RGS20: variants seen among roughly 807,000 people sequenced by gnomAD.
RGS20 encodes gz-selective GTPase-activating protein.
RGS20 carries 30 observed loss-of-function variants against 33.6 expected under a neutral mutation model. The ratio of observed to expected loss-of-function variants is 0.89; its 90% CI spans 0.67 to 1.21. The LOEUF (loss-of-function observed/expected upper bound fraction) is 1.21. Among genes scored for constraint, RGS20 ranks in the 50% most tolerant of loss-of-function variants. The probability of loss-of-function intolerance (pLI) is 0.00; values close to 1 mark genes in which losing one functional copy is unlikely to be tolerated. For synonymous variants in RGS20, 208 were observed against 197.9 expected, an observed-to-expected ratio of 1.05 and a Z score of -0.43; for missense variants, 472 against 502.4, an observed-to-expected ratio of 0.94 and a Z score of 0.58.
At chr8:53,930,542 GTTTTGTT>G (rs936325276) in intron 2 of RGS20, among the ~76,000 whole-genome samples, 65 of 152,188 alleles carry the variant, frequency 4.3e-4, no homozygotes, top group Middle Eastern at 3.4e-3. Context: ...TTAGGATATG[GTTTTGTT>G]TTTTGTTTTT....
rs538977523 is a variant in RGS20 at position 53,936,603 on chromosome 8, C to T, written c.511-2973C>T. Among the ~76,000 whole-genome samples, 8 of 152,134 alleles carry T rather than the reference C, an allele frequency of 5.3e-5. No homozygotes were observed. The South Asian group carries it at 1.7e-3, about 32-fold the overall frequency. ...CACTGCTCAAGGAAATAAGGGAGGA[C>T]ACAAACAAATGGAAAAACATTCCAT... On this transcript the variant is annotated intron_variant, in intron 2 of 5. Transcript: ENST00000297313.
intron 2 of RGS20, among the ~76,000 whole-genome samples, chr8:53,884,703 C>T (rs1003398184): frequency 2.0e-5 from 3 of 152,122 alleles, no homozygotes; most frequent in Admixed American, 6.5e-5. Context: ...CTGTTTACTA[C>T]GGATTAATGA....
intron 2 of RGS20, among the ~76,000 whole-genome samples, chr8:53,897,613 C>T (rs1411264254): frequency 6.6e-6 from 1 of 152,162 alleles, no homozygotes; most frequent in Non-Finnish European, 1.5e-5. Flanking sequence ...ATAGTACATT[C>T]TTTCTTATTA....
chr8:53,949,790 T>C (rs543181454), intron 4 of RGS20, among the ~76,000 whole-genome samples: 15 of 151,518 alleles, frequency 9.9e-5, no homozygotes, highest in Admixed American at 2.0e-4. Context: ...TTTAATGGTA[T>C]ATAAGTAAAG....
intron 2 of RGS20, among the ~76,000 whole-genome samples, chr8:53,907,058 G>A (rs915067975): frequency 5.9e-5 from 9 of 152,138 alleles, no homozygotes; most frequent in African/African-American, 2.2e-4. Context: ...CAATGTGAAA[G>A]CAGAAAGAAA....
chr8:53,909,203 A>ATGTGTGTGTATG (rs201686606), intron 2 of RGS20, among the ~76,000 whole-genome samples: 22 of 57,326 alleles, frequency 3.8e-4, no homozygotes, highest in African/African-American at 1.9e-3. Context: ...CCATTATGGT[A>ATGTGTGTGTATG]TGTGTGTATA....
chr8:53,894,129 C>T (rs938606629), intron 2 of RGS20, among the ~76,000 whole-genome samples: 3 of 152,080 alleles, frequency 2.0e-5, no homozygotes, highest in African/African-American at 7.2e-5. Flanking sequence ...TTACCCAATA[C>T]GTTAGTATGG....
At chr8:53,941,045 TC>T (rs1695250443) in intron 3 of RGS20, among the ~76,000 whole-genome samples, 2 of 152,078 alleles carry the variant, frequency 1.3e-5, no homozygotes, top group Non-Finnish European at 1.5e-5. Flanking sequence ...AACCTTCCGC[TC>T]CCTCCTTTCT....
intron 2 of RGS20, among the ~76,000 whole-genome samples, chr8:53,882,769 C>A (rs1812430120): frequency 6.6e-6 from 1 of 152,134 alleles, no homozygotes; most frequent in Non-Finnish European, 1.5e-5. Context: ...GCCAGCAGGA[C>A]CCTCGCCCAC....
At chr8:53,939,443 G>A (rs1248146956) in intron 2 of RGS20, 133 bp from the exon 2 acceptor site, 6 of 945,958 alleles carry the variant, frequency 6.3e-6, no homozygotes, top group Admixed American at 3.9e-5. Context: ...TAAATTTTAC[G>A]AGAAGTAGCA....
At chr8:53,900,199 T>C (rs897665182) in intron 2 of RGS20, among the ~76,000 whole-genome samples, 1 of 152,156 alleles carries the variant, frequency 6.6e-6, no homozygotes, top group African/African-American at 2.4e-5. Flanking sequence ...TAGAATGCAG[T>C]GGTGCAATCA....
chr8:53,954,085 T>C lies in RGS20; in HGVS notation c.753T>C (p.Pro251=). ...TTTGGTCTCCACGAAGCCCTGCTCC[T>C]ACTCTGGAAGAAGTCAACGCCTGGG... The change falls in exon 5 of 6, where the codon CCT becomes CCC. Residue 251 remains proline (P), a synonymous_variant. Coordinates refer to ENST00000297313, the MANE Select transcript of RGS20 (RefSeq NM_170587.4). The C allele has an allele frequency of 6.2e-7, 1 of 1,613,740 alleles. No homozygotes were observed. Among genetic ancestry groups the C allele is most frequent in the Non-Finnish European group, 8.5e-7 (1 of 1,179,686 alleles).
chr8:53,882,675 T>A (rs1251310710), intron 2 of RGS20, among the ~76,000 whole-genome samples: 2 of 148,926 alleles, frequency 1.3e-5, no homozygotes, highest in African/African-American at 5.0e-5. Context: ...CAAAAGCCTA[T>A]CGCTCTTTGT....
At chr8:53,953,719 C>T (rs761542066) in intron 4 of RGS20, among the ~76,000 whole-genome samples, 1 of 152,112 alleles carries the variant, frequency 6.6e-6, no homozygotes, top group Non-Finnish European at 1.5e-5. Context: ...CAGAACTCAT[C>T]ACAGATGATT....
intron 2 of RGS20, among the ~76,000 whole-genome samples, chr8:53,887,424 G>T (rs1368864241): frequency 6.6e-6 from 1 of 152,100 alleles, no homozygotes; most frequent in Non-Finnish European, 1.5e-5. Context: ...TGTATCCAAG[G>T]GTTCAACCTC....
Position 53,958,526 on chromosome 8 carries a change from A to G in RGS20, c.*68A>G. 1 of 858,244 alleles carries G rather than the reference A, an allele frequency of 1.2e-6. No individual in the cohort carries two copies. The highest frequency in any genetic ancestry group is 1.6e-6 in the Non-Finnish European group (1 of 625,286). The allele number at this position is 858,244 out of a possible 1,614,324, so 53.2% of individuals were successfully genotyped here. A position where few individuals can be genotyped will look rare whatever the true frequency, so the allele number is the denominator to read the frequency against. On this transcript the variant is annotated 3_prime_UTR_variant, in exon 6 of 6. Coordinates refer to ENST00000297313, the MANE Select transcript of RGS20 (RefSeq NM_170587.4). ...TTCATGGGCTACAACTAGCACAGGG[A>G]ATTTAGAGGTTGTAGCATCTTCTGC...
In RGS20 at chr8:53,889,409, TCTC is replaced by T. The variant is rs1296766095; in HGVS notation, c.510+9808_510+9810del. On this transcript the variant is annotated intron_variant, in intron 2 of 5. Transcript: ENST00000297313. ...TTTTCTTTCTTTCTTTCTCTCTCTC[TCTC>T]TTTTTTTTTTTTTTTTTTTTTTTTT... is the stretch of plus-strand genomic sequence containing the variant. Among the ~76,000 whole-genome samples, 256 of 108,806 alleles carry T rather than the reference TCTC, an allele frequency of 2.4e-3. 3 individuals are homozygous for T. Among genetic ancestry groups the T allele is most frequent in the African/African-American group, 0.01 (227 of 22,460 alleles). 71.4% of individuals were successfully genotyped at this position (108,806 alleles called of 152,430 possible).
At chr8:53,862,464 A>C (rs541699676) in intron 1 of RGS20, among the ~76,000 whole-genome samples, 2 of 152,242 alleles carry the variant, frequency 1.3e-5, no homozygotes, top group Non-Finnish European at 2.9e-5. Context: ...TCTACTTCTG[A>C]TCACAGAGAA....
At chr8:53,922,041 C>T (rs1466222243) in intron 2 of RGS20, among the ~76,000 whole-genome samples, 1 of 151,918 alleles carries the variant, frequency 6.6e-6, no homozygotes, top group Non-Finnish European at 1.5e-5. Context: ...CTGATGTCCT[C>T]TATTCATATG....
Sources: gnomAD v4.1 joint callset for allele counts (sites outside exome capture counted in the v4.1 genomes callset) on GRCh38, gnomAD v4.1.1 for gene constraint, MANE v1.5 for transcripts, NCBI Gene and HGNC (gene_info 2026-07-23, HGNC 2026-07-21) for gene names.